Variants in RALYL observed in about 807,000 individuals in gnomAD.
The protein encoded by RALYL is RALY RNA binding protein like.
A neutral mutation model predicts 35.1 loss-of-function variants in RALYL; 29 were observed. The observed-to-expected ratio is 0.83, with a 90% CI of 0.61 to 1.13. RALYL has a LOEUF of 1.13. Ranked by LOEUF, RALYL falls within the 50% of genes most tolerant of loss-of-function variation. The pLI, the probability that RALYL is intolerant of heterozygous loss-of-function variation, is 0.00. For synonymous variants in RALYL, 120 were observed against 127.6 expected (o/e 0.94, Z 0.40); for missense variants, 359 against 360.4 (o/e 1.00, Z 0.03).
Position 84,529,472 on chromosome 8 carries a change from T to A in RALYL, c.151T>A (p.Cys51Ser). 5 of 1,613,838 alleles carry A rather than the reference T, an allele frequency of 3.1e-6. No individual in the cohort carries two copies. Among genetic ancestry groups the A allele is most frequent in the Non-Finnish European group, 4.2e-6 (5 of 1,179,846 alleles). ...IFSKYGKIVG[C>S]SVHKGYAFVQ... ...TTCAAAGTATGGAAAAATAGTTGGA[T>A]GTTCCGTTCACAAAGGTTATGCATT... Residue 51 changes from cysteine to serine, a missense_variant, in exon 2 of 9, where the codon TGT becomes AGT. Transcript: ENST00000521268.
rs531715363 is a variant in RALYL, at chr8:84,792,839, C to A, written c.333-11931C>A. Among the ~76,000 whole-genome samples the A allele has an allele frequency of 3.3e-5, 5 of 152,298 alleles. No homozygotes were observed. The South Asian group carries it at 1.0e-3, about 32-fold the overall frequency. On this transcript the variant is annotated intron_variant, in intron 3 of 8. Transcript: ENST00000521268. ...GAAGAAGCTGTTTGTACTCTTCAAA[C>A]CTGGATTGCAAGTTCCAGAATGTCC...
intron 1 of RALYL, among the ~76,000 whole-genome samples, chr8:84,408,500 G>T (rs980883413): frequency 6.6e-6 from 1 of 152,134 alleles, no homozygotes; most frequent in African/African-American, 2.4e-5. Flanking sequence ...TGTACTAATA[G>T]ACCCCAAATC....
chr8:84,895,160 G>C (rs1844519304), intron 8 of RALYL, among the ~76,000 whole-genome samples: 1 of 152,080 alleles, frequency 6.6e-6, no homozygotes, highest in African/African-American at 2.4e-5. Flanking sequence ...AGCATTCAAA[G>C]ACCTTCGTCT....
chr8:84,817,559 T>C (rs1203437073), intron 4 of RALYL, among the ~76,000 whole-genome samples: 1 of 148,910 alleles, frequency 6.7e-6, no homozygotes, highest in Non-Finnish European at 1.5e-5. Flanking sequence ...ATTATTATTA[T>C]TATTAATTTC....
chr8:84,809,229 A>G (rs1825355670), intron 4 of RALYL, among the ~76,000 whole-genome samples: 1 of 152,164 alleles, frequency 6.6e-6, no homozygotes, highest in African/African-American at 2.4e-5. Context: ...TTCTGCATCT[A>G]TTGAGGTTAT....
chr8:84,831,579 TG>T (rs1380227183), intron 4 of RALYL, among the ~76,000 whole-genome samples: 1 of 152,136 alleles, frequency 6.6e-6, no homozygotes, highest in Non-Finnish European at 1.5e-5. Flanking sequence ...GGGAACTTTA[TG>T]GAAGGGTTAA....
intron 2 of RALYL, among the ~76,000 whole-genome samples, chr8:84,575,887 GA>G (rs1489961335): frequency 6.6e-6 from 1 of 151,258 alleles, no homozygotes; most frequent in Non-Finnish European, 1.5e-5. Flanking sequence ...AGGTAATTAG[GA>G]AGCTGTGGTG....
chr8:84,373,685 T>C lies in RALYL; in HGVS notation c.-23-155614T>C, dbSNP rs535448533. 4.6e-5 allele frequency among the ~76,000 whole-genome samples: 7 copies of C among 152,218 alleles called. No individual in the cohort carries two copies. In the South Asian group the frequency reaches 1.4e-3, roughly 32 times the overall value. ...CGGGTTTGTCCTTTTTGCATAGGAT[T>C]GCCTTGGCAATTCAGGCTCTTTTAT... is the stretch of plus-strand genomic sequence containing the variant. On this transcript the variant is annotated intron_variant, in intron 1 of 8. Transcript: ENST00000521268.
rs567943432 is a variant in RALYL, at chr8:84,374,877, T to TAATGAA, written c.-23-154406_-23-154401dup. On this transcript the variant is annotated intron_variant, in intron 1 of 8. Coordinates refer to ENST00000521268, the MANE Select transcript of RALYL (RefSeq NM_173848.7). ...ACCTAAAAGACAAAATTTAATTAAT[T>TAATGAA]AATGAAAATGAAAATGAAAATAAAT... 4.1e-3 allele frequency among the ~76,000 whole-genome samples: 619 copies of TAATGAA among 151,768 alleles called. 6 individuals carry two copies. Among genetic ancestry groups the TAATGAA allele is most frequent in the African/African-American group, 0.014 (584 of 41,416 alleles).
At chr8:84,835,152 A>G (rs188449375) in intron 4 of RALYL, among the ~76,000 whole-genome samples, 2 of 152,342 alleles carry the variant, frequency 1.3e-5, no homozygotes, top group Admixed American at 1.3e-4. Context: ...AGAGACGGTG[A>G]TAATTAATGG....
intron 2 of RALYL, among the ~76,000 whole-genome samples, chr8:84,542,089 T>C (rs886750420): frequency 2.0e-5 from 3 of 152,268 alleles, no homozygotes; most frequent in African/African-American, 7.2e-5. Flanking sequence ...TTAAATTTGT[T>C]CCATGTACTG....
chr8:84,680,378 C>T (rs1298961622), intron 2 of RALYL, among the ~76,000 whole-genome samples: 1 of 152,112 alleles, frequency 6.6e-6, no homozygotes, highest in Middle Eastern at 3.2e-3. Context: ...AATGGGATGG[C>T]TGGGTCAAAT....
At chr8:84,454,542 G>A (rs879620960) in intron 1 of RALYL, among the ~76,000 whole-genome samples, 1 of 152,040 alleles carries the variant, frequency 6.6e-6, no homozygotes, top group African/African-American at 2.4e-5. Context: ...GTTCGAGGTG[G>A]GGTCCTTGTT....
At chr8:84,476,788 C>T (rs1029318031) in intron 1 of RALYL, among the ~76,000 whole-genome samples, 1 of 152,076 alleles carries the variant, frequency 6.6e-6, no homozygotes, top group Non-Finnish European at 1.5e-5. Flanking sequence ...GCAGCAGATG[C>T]GGAAAGGAGC....
intron 1 of RALYL, among the ~76,000 whole-genome samples, chr8:84,451,677 GAAT>G (rs2049492495): frequency 6.6e-6 from 1 of 151,904 alleles, no homozygotes; most frequent in Non-Finnish European, 1.5e-5. Context: ...GAAATGCTTA[GAAT>G]AACAAATAAA....
At chr8:84,884,943 G>A (rs139883115) in intron 7 of RALYL, among the ~76,000 whole-genome samples, 173 of 152,208 alleles carry the variant, frequency 1.1e-3, no homozygotes, top group African/African-American at 4.1e-3. Context: ...TCTTTTAGGA[G>A]GAAGAGTGGG....
chr8:84,628,636 G>T (rs1473475072), intron 2 of RALYL, among the ~76,000 whole-genome samples: 1 of 152,052 alleles, frequency 6.6e-6, no homozygotes, highest in African/African-American at 2.4e-5. Flanking sequence ...ATAACATTTT[G>T]TTGAGAAATA....
rs116900420 is a variant in RALYL at position 84,812,398 on chromosome 8, C to G, written c.365+7596C>G. Among the ~76,000 whole-genome samples the G allele has an allele frequency of 3.3e-5, 5 of 152,030 alleles. 1 individual carries two copies. Among genetic ancestry groups the G allele is most frequent in the African/African-American group, 4.8e-5 (2 of 41,378 alleles). On this transcript the variant is annotated intron_variant, in intron 4 of 8. Coordinates refer to ENST00000521268, the MANE Select transcript of RALYL (RefSeq NM_173848.7). ...GGTGGTTTAATGCTCTATTTTTGTG[C>G]GGGTTGGCCTTCTGCTGGGAGGTGG...
intron 3 of RALYL, among the ~76,000 whole-genome samples, chr8:84,802,249 ACTCTTCTTTTGATATTT>A (rs1216608503): frequency 6.6e-6 from 1 of 152,024 alleles, no homozygotes; most frequent in Non-Finnish European, 1.5e-5. Flanking sequence ...AAATATTATT[ACTCTTCTTTTGATATTT>A]TCCAGCTACT....
Sources: gnomAD v4.1 joint callset for allele counts (sites outside exome capture counted in the v4.1 genomes callset) on GRCh38, gnomAD v4.1.1 for gene constraint, MANE v1.5 for transcripts, NCBI Gene and HGNC (gene_info 2026-07-23, HGNC 2026-07-21) for gene names.